PRKD2: variants seen among roughly 807,000 people sequenced by gnomAD.
PRKD2 encodes protein kinase D2, also known as serine/threonine-protein kinase D2.
In PRKD2, 22 loss-of-function variants were observed where a neutral mutation model predicts 86.0. The ratio of observed to expected loss-of-function variants is 0.26; its 90% CI spans 0.18 to 0.37. The LOEUF (loss-of-function observed/expected upper bound fraction) is 0.37. PRKD2 is among the 10% of genes least tolerant of loss of function. The pLI is 1.00. For synonymous variants in PRKD2, 509 were observed against 510.9 expected (o/e 1.00, Z 0.05); for missense variants, 818 against 1,199.2 (o/e 0.68, Z 4.70).
Position 46,678,845 on chromosome 19 carries a change from C to T in PRKD2, c.2071-182G>A, listed in dbSNP as rs530960838. The stretch of plus-strand genomic sequence containing the variant: ...ACTTCCCCCCTCTGTGCCTCAGTTT[C>T]CCCATCTATAGGAAGAAGAGCAGAA... On this transcript the variant is annotated intron_variant, in intron 15 of 17. Transcript: ENST00000291281. The surrounding 1 kb of genome is among the most constrained non-coding windows in gnomAD (Gnocchi z 5.7). 5.3e-5 allele frequency among the ~76,000 whole-genome samples: 8 copies of T among 152,200 alleles called. No individual in the cohort carries two copies. Among genetic ancestry groups the T allele is most frequent in the African/African-American group, 1.9e-4 (8 of 41,518 alleles).
At chr19:46,707,343 T>C (rs2053728485) in intron 3 of PRKD2, among the ~76,000 whole-genome samples, 1 of 151,874 alleles carries the variant, frequency 6.6e-6, no homozygotes, top group South Asian at 2.1e-4. Flanking sequence ...CAGTGGCTCA[T>C]GTCTGTAATC....
chr19:46,681,602 C>A, intron 15 of PRKD2, 48 bp downstream of exon 15: 1 of 1,110,228 alleles, frequency 9.0e-7, no homozygotes, highest in Non-Finnish European at 1.3e-6. Flanking sequence ...CCACCCCGGC[C>A]ATCAGTGTTG....
At chr19:46,713,384 TCTC>T (rs888555234) in intron 2 of PRKD2, among the ~76,000 whole-genome samples, 3 of 151,822 alleles carry the variant, frequency 2.0e-5, no homozygotes, top group Admixed American at 1.3e-4. Flanking sequence ...AACTCCTTCT[TCTC>T]CTCTTTTCCC....
chr19:46,685,211 A>T (rs2053378435), intron 14 of PRKD2, among the ~76,000 whole-genome samples: 1 of 149,710 alleles, frequency 6.7e-6, no homozygotes, highest in Non-Finnish European at 1.5e-5. Flanking sequence ...GTGAGCTGAG[A>T]CTGTACTATT....
chr19:46,683,631 T>G (rs1348178930), intron 14 of PRKD2, among the ~76,000 whole-genome samples: 2 of 151,596 alleles, frequency 1.3e-5, no homozygotes, highest in Admixed American at 6.6e-5. Context: ...GGCAGGAAAA[T>G]CGCTTGAACT....
At position 46,693,634 on chromosome 19, in the gene PRKD2, CATT is replaced by C. The variant is rs1400944495; in HGVS notation, c.1576+238_1576+240del. Among the ~76,000 whole-genome samples, 7 of 152,150 alleles carry C rather than the reference CATT, an allele frequency of 4.6e-5. No individual in the cohort carries two copies. The highest frequency in any genetic ancestry group is 1.4e-4 in the African/African-American group (6 of 41,444). On this transcript the variant is annotated intron_variant, in intron 10 of 17. Transcript: ENST00000291281. The surrounding 1 kb of genome is among the most constrained non-coding windows in gnomAD (Gnocchi z 4.5). ...TTTATTTTTTGTAGAGATGGAATCT[CATT>C]ATGTTGCCCAGGCTGGTCTTGAACT...
At chr19:46,687,021 A>C (rs2053409203) in intron 14 of PRKD2, among the ~76,000 whole-genome samples, 1 of 152,058 alleles carries the variant, frequency 6.6e-6, no homozygotes, top group African/African-American at 2.4e-5. Context: ...TAAAGAGGCA[A>C]ACACTGGGAT....
chr19:46,703,724 A>G (rs1250032869), intron 5 of PRKD2, among the ~76,000 whole-genome samples: 2 of 150,696 alleles, frequency 1.3e-5, no homozygotes, highest in African/African-American at 4.9e-5. Context: ...GTGAGCCGAG[A>G]TCACACCACT....
In PRKD2 at chr19:46,716,652, GC is replaced by G. The variant is rs1313969774; in HGVS notation, c.-283del. On this transcript the variant is annotated 5_prime_UTR_variant, in exon 1 of 18. Transcript: ENST00000291281. This position sits in a 1 kb window ranked among gnomAD's most constrained non-coding sequence, Gnocchi z 7.9. ...GTCCCAGCGATTGAGATTCCAAGAA[GC>G]CTGAGAGGAAATCTAGTAGGTCGGG... 1 of 299,276 alleles carries G rather than the reference GC, an allele frequency of 3.3e-6. No homozygotes were observed. Among genetic ancestry groups the G allele is most frequent in the Non-Finnish European group, 6.1e-6 (1 of 163,002 alleles). 18.5% of individuals were successfully genotyped at this position (299,276 alleles called of 1,614,324 possible). A position where few individuals can be genotyped will look rare whatever the true frequency, so the allele number is the denominator to read the frequency against.
intron 14 of PRKD2, among the ~76,000 whole-genome samples, chr19:46,687,549 C>T (rs1228401886): frequency 6.6e-6 from 1 of 152,182 alleles, no homozygotes; most frequent in African/African-American, 2.4e-5. Context: ...CCCTCAGTTT[C>T]TTCAACCATA....
rs561323324 is a variant in PRKD2, at chr19:46,716,503, G to T, written c.-133C>A. ...AGAGCGGGGATCCGAGAAAAGATCT[G>T]GCAGGCGGAGGGGACCTGAGGATGG... On this transcript the variant is annotated 5_prime_UTR_variant, in exon 1 of 18. Coordinates refer to ENST00000291281, the MANE Select transcript of PRKD2 (RefSeq NM_016457.5). This position sits in a 1 kb window ranked among gnomAD's most constrained non-coding sequence, Gnocchi z 7.9. 5.0e-5 allele frequency: 26 copies of T among 525,050 alleles called. No individual in the cohort carries two copies. The South Asian group carries it at 7.3e-4, about 15-fold the overall frequency. The allele number at this position is 525,050 out of a possible 1,614,324, so 32.5% of individuals were successfully genotyped here. A position where few individuals can be genotyped will look rare whatever the true frequency, so the allele number is the denominator to read the frequency against.
intron 3 of PRKD2, among the ~76,000 whole-genome samples, chr19:46,704,869 C>A (rs1318807185): frequency 1.3e-5 from 2 of 151,618 alleles, no homozygotes; most frequent in Admixed American, 6.6e-5. Flanking sequence ...TGTAGCCCCA[C>A]CATCACCCCA....
Position 46,697,789 on chromosome 19 carries a change from A to T in PRKD2, c.1183T>A (p.Ser395Thr). 6.2e-7 allele frequency: 1 copy of T among 1,614,016 alleles called. No homozygotes were observed. Among genetic ancestry groups the T allele is most frequent in the Non-Finnish European group, 8.5e-7 (1 of 1,180,010 alleles). Residue 395 changes from serine (S) to threonine (T), a missense_variant, in exon 8 of 18, where the codon TCC (serine) becomes ACC (threonine). By Grantham distance (58) the Ser-to-Thr change is moderately conservative (BLOSUM62 1). This residue lies in a region of PRKD2 where 127 missense variants were observed against 157.8 expected (regional missense o/e 0.80). Coordinates refer to ENST00000291281, the MANE Select transcript of PRKD2 (RefSeq NM_016457.5). ...VQSVRHTTRKSSTTLREGWVV... is the reference protein window; with the variant it reads ...VQSVRHTTRKTSTTLREGWVV... ...CAACCCTCCCGCAGCGTGGTGCTGG[A>T]TTTCCGCGTCGTGTGTCGCACCGAT...
At chr19:46,706,916 G>A (rs558554351) in intron 3 of PRKD2, among the ~76,000 whole-genome samples, 68 of 144,882 alleles carry the variant, frequency 4.7e-4, no homozygotes, top group African/African-American at 1.6e-3. Context: ...TTTTTGAGAC[G>A]GAGTCTCACC....
chr19:46,697,662 G>A, intron 8 of PRKD2, 71 bp downstream of exon 8: 4 of 1,404,670 alleles, frequency 2.8e-6, no homozygotes, highest in Admixed American at 1.7e-5. Flanking sequence ...ACCTAGCCCC[G>A]CCTACTCAAG....
At chr19:46,697,705 C>T (rs370642175) in intron 8 of PRKD2, 28 bp downstream of exon 8, 4 of 1,588,214 alleles carry the variant, frequency 2.5e-6, no homozygotes, top group Non-Finnish European at 3.5e-6. Flanking sequence ...TTCGCTCCGC[C>T]GTACCCGGCC....
At chr19:46,709,793 C>T (rs748523745) in intron 3 of PRKD2, among the ~76,000 whole-genome samples, 1 of 152,198 alleles carries the variant, frequency 6.6e-6, no homozygotes, top group Non-Finnish European at 1.5e-5. Context: ...AGAGACTTTT[C>T]GGATGAAGAA....
chr19:46,697,189 A>C lies in PRKD2; in HGVS notation c.1285T>G (p.Phe429Val), dbSNP rs2122704576. The C allele has an allele frequency of 6.3e-7, 1 of 1,598,942 alleles. No homozygotes were observed. The highest frequency in any genetic ancestry group is 8.6e-7 in the Non-Finnish European group (1 of 1,166,322). The change falls in exon 9 of 18, where the codon TTC becomes GTC. Residue 429 changes from phenylalanine (F) to valine (V), a missense_variant. Around this residue, in one of 5 missense-constraint regions of PRKD2, gnomAD observed 127 missense variants for 157.8 expected, o/e 0.80. Coordinates refer to ENST00000291281, the MANE Select transcript of PRKD2 (RefSeq NM_016457.5). ...TATCTGTTGGTCGTGTTGTTCTGGA[A>C]GAGCGTGATACACTTGCAGTCCAGG... ...WRLDCKCITL[F>V]QNNTTNRYYK...
chr19:46,679,347 A>C (rs2053261382), intron 15 of PRKD2, among the ~76,000 whole-genome samples: 1 of 152,198 alleles, frequency 6.6e-6, no homozygotes, highest in Non-Finnish European at 1.5e-5. Context: ...AAACAAAAAA[A>C]ACATGAAACA....
Sources: allele counts gnomAD v4.1 joint callset (sites outside exome capture counted in the v4.1 genomes callset), GRCh38; gene constraint gnomAD v4.1.1; regional missense constraint gnomAD v4.1.1; non-coding constraint Gnocchi (gnomAD v3.1); transcripts MANE v1.5; gene names NCBI Gene and HGNC (gene_info 2026-07-23, HGNC 2026-07-21).